The following NUAK1 variants were observed in gnomAD, a reference collection of about 807,000 sequenced individuals.
The protein encoded by NUAK1 is NUAK family SNF1-like kinase 1.
A neutral mutation model predicts 56.9 loss-of-function variants in NUAK1; 26 were observed. The observed-to-expected ratio is 0.46, with a 90% confidence interval of 0.33 to 0.63. NUAK1 has a LOEUF of 0.63. Among genes scored for constraint, NUAK1 ranks in the 30% least tolerant of loss-of-function variants. The probability of loss-of-function intolerance (pLI) is 0.02; values close to 1 mark genes in which losing one functional copy is unlikely to be tolerated. For synonymous variants in NUAK1, 337 were observed against 336.0 expected, an observed-to-expected ratio of 1.00 and a Z score of -0.03; for missense variants, 727 against 876.1, an observed-to-expected ratio of 0.83 and a Z score of 2.15.
At chr12:106,112,005 C>A (rs1216429123) in intron 1 of NUAK1, among the ~76,000 whole-genome samples, 1 of 149,668 alleles carries the variant, frequency 6.7e-6, no homozygotes, top group Non-Finnish European at 1.5e-5. Flanking sequence ...TCACAGGGAA[C>A]AGAATCTCCT....
chr12:106,138,622 T>TC lies in NUAK1; in HGVS notation c.31dup (p.Asp11GlyfsTer78). 6.7e-7 allele frequency: 1 copy of TC among 1,492,828 alleles called. No homozygotes were observed. Among genetic ancestry groups the TC allele is most frequent in the Non-Finnish European group, 8.9e-7 (1 of 1,127,192 alleles). 92.5% of individuals were successfully genotyped at this position (1,492,828 alleles called of 1,614,324 possible). A position where few individuals can be genotyped will look rare whatever the true frequency, so the allele number is the denominator to read the frequency against. ...CGCCCCCAGCCCCAAGTCGGGGCGGTCCCCCGCCACAGGCGCGGCGGCCCC... is the reference window on the plus strand; with the variant it reads ...CGCCCCCAGCCCCAAGTCGGGGCGGTCCCCCCGCCACAGGCGCGGCGGCCCC... On this transcript the variant is annotated frameshift_variant, in exon 1 of 7. Transcript: ENST00000261402. LOFTEE classifies it high-confidence loss of function. The surrounding 1 kb of genome is among the most constrained non-coding windows in gnomAD (Gnocchi z 5.0).
chr12:106,087,065 G>T, intron 2 of NUAK1, 180 bp from the exon 3 acceptor site: 1 of 620,300 alleles, frequency 1.6e-6, no homozygotes, highest in Non-Finnish European at 2.7e-6. Context: ...CCGCCAGGTG[G>T]AAAATGGTGT....
chr12:106,135,421 G>A (rs538048883), intron 1 of NUAK1, among the ~76,000 whole-genome samples: 2 of 152,198 alleles, frequency 1.3e-5, no homozygotes, highest in Admixed American at 6.5e-5. Context: ...ACTGCCTTTC[G>A]CGGCACATAG....
At chr12:106,110,771 G>A (rs1229265604) in intron 1 of NUAK1, among the ~76,000 whole-genome samples, 5 of 152,232 alleles carry the variant, frequency 3.3e-5, no homozygotes, top group Non-Finnish European at 7.3e-5. Flanking sequence ...CCACCTTATG[G>A]TTTAATGTTT....
At chr12:106,111,230 C>T (rs963419364) in intron 1 of NUAK1, among the ~76,000 whole-genome samples, 1 of 152,176 alleles carries the variant, frequency 6.6e-6, no homozygotes, top group Non-Finnish European at 1.5e-5. Flanking sequence ...TGATTATAAA[C>T]CACACTTAAG....
chr12:106,086,956 C>A lies in NUAK1; in HGVS notation c.362-71G>T, dbSNP rs536732857. On this transcript the variant is annotated intron_variant, in intron 2 of 6. Coordinates refer to ENST00000261402, the MANE Select transcript of NUAK1 (RefSeq NM_014840.3). ...AAGCTCACTTATGCTACAGAGAATG[C>A]GAGAGAGGACAACGGAGATGTCGCC... The A allele has an allele frequency of 3.0e-5, 46 of 1,552,576 alleles. No individual in the cohort carries two copies. In the South Asian group the frequency reaches 4.6e-4, roughly 16 times the overall value.
intron 2 of NUAK1, among the ~76,000 whole-genome samples, chr12:106,099,157 C>CA (rs2032724716): frequency 2.0e-5 from 3 of 152,202 alleles, no homozygotes; most frequent in Non-Finnish European, 4.4e-5. Context: ...CACCTTCACC[C>CA]ATGGGTCAAT....
chr12:106,086,991 A>G (rs1443094529), intron 2 of NUAK1, 106 bp from the exon 3 acceptor site: 4 of 1,411,914 alleles, frequency 2.8e-6, no homozygotes, highest in Non-Finnish European at 3.9e-6. Flanking sequence ...CAGGCAGAGG[A>G]TCGACTGATG....
rs1382245621 is a variant in NUAK1 at position 106,083,876 on chromosome 12, G to A, written c.567C>T (p.Asn189=). Residue 189 remains asparagine (N), a synonymous_variant, in exon 4 of 7, where the codon AAC becomes AAT. Transcript: ENST00000261402. ...GCAAGGGCTTTACCTTAATATTGCA[G>A]TTGTCATCGAGCAGTATATTTTCCA... is the stretch of plus-strand genomic sequence containing the variant. ...LKLENILLDD[N]CNIKIADFGL... is the part of the protein sequence containing the mutation. 1 of 1,614,106 alleles carries A rather than the reference G, an allele frequency of 6.2e-7. No homozygotes were observed. The highest frequency in any genetic ancestry group is 8.5e-7 in the Non-Finnish European group (1 of 1,179,952).
chr12:106,083,536 A>G (rs1181823167), intron 4 of NUAK1, among the ~76,000 whole-genome samples: 1 of 152,232 alleles, frequency 6.6e-6, no homozygotes, highest in Non-Finnish European at 1.5e-5. Context: ...TATAAAATAC[A>G]TATGAAATAT....
rs1274555647 is a variant in NUAK1 at position 106,086,153 on chromosome 12, A to G, written c.513+581T>C. ...TCACATGAGAGGAAAATATTCATAT[A>G]TAAAGATACTGATCACTATTTGTCA... On this transcript the variant is annotated intron_variant, in intron 3 of 6. Transcript: ENST00000261402. 2.0e-5 allele frequency among the ~76,000 whole-genome samples: 3 copies of G among 152,376 alleles called. No homozygotes were observed. The East Asian group carries it at 5.8e-4, about 29-fold the overall frequency.
intron 1 of NUAK1, among the ~76,000 whole-genome samples, chr12:106,128,718 CGAAAGT>C (rs1565928840): frequency 1.3e-5 from 2 of 152,136 alleles, no homozygotes; most frequent in African/African-American, 4.8e-5. Context: ...GCCAAACAGA[CGAAAGT>C]TGAGCCCTAA....
intron 1 of NUAK1, among the ~76,000 whole-genome samples, chr12:106,120,044 C>T (rs923021569): frequency 1.3e-5 from 2 of 152,130 alleles, no homozygotes; most frequent in South Asian, 2.1e-4. Flanking sequence ...CCAAAGCATC[C>T]GATTAACCAG....
At chr12:106,072,611 T>C in intron 5 of NUAK1, 113 bp downstream of exon 5, 1 of 1,224,980 alleles carries the variant, frequency 8.2e-7, no homozygotes, top group Non-Finnish European at 1.1e-6. Flanking sequence ...ACGTTTTCCT[T>C]GCTGGCTTTT....
chr12:106,075,821 G>A (rs1173137017), intron 4 of NUAK1, among the ~76,000 whole-genome samples: 2 of 152,254 alleles, frequency 1.3e-5, no homozygotes, highest in Non-Finnish European at 2.9e-5. Flanking sequence ...GCACTGGTGT[G>A]TCTTCAGTAT....
chr12:106,075,070 C>T (rs540778647), intron 4 of NUAK1, among the ~76,000 whole-genome samples: 1 of 152,152 alleles, frequency 6.6e-6, no homozygotes. Flanking sequence ...CACATGCACA[C>T]ACTCACACCA....
chr12:106,087,759 AG>A (rs1026763264), intron 2 of NUAK1, among the ~76,000 whole-genome samples: 1 of 152,272 alleles, frequency 6.6e-6, no homozygotes, highest in African/African-American at 2.4e-5. Flanking sequence ...ACTGAGGCCT[AG>A]GGAGGTTAAG....
Position 106,138,436 on chromosome 12 carries a change from G to A in NUAK1, c.218C>T (p.Thr73Ile). The A allele has an allele frequency of 6.2e-7, 1 of 1,611,486 alleles. No individual in the cohort carries two copies. The highest frequency in any genetic ancestry group is 1.1e-5 in the South Asian group (1 of 90,948). Reference protein sequence around the residue: ...KGTYGKVKRATERFSGRVVAI... With the variant: ...KGTYGKVKRAIERFSGRVVAI... ...CACCACTCGGCCAGAAAACCTCTCG[G>A]TGGCCCGCTTGACTTTGCCGTAGGT... Residue 73 changes from threonine to isoleucine, a missense_variant, in exon 1 of 7, where the codon ACC becomes ATC. Transcript: ENST00000261402. This position sits in a 1 kb window ranked among gnomAD's most constrained non-coding sequence, Gnocchi z 5.0.
intron 1 of NUAK1, among the ~76,000 whole-genome samples, chr12:106,120,880 G>A (rs1205208801): frequency 6.6e-6 from 1 of 152,152 alleles, no homozygotes; most frequent in Non-Finnish European, 1.5e-5. Flanking sequence ...CATGGATGGG[G>A]CCACCTTCAG....
Sources: allele counts gnomAD v4.1 joint callset (sites outside exome capture counted in the v4.1 genomes callset), GRCh38; gene constraint gnomAD v4.1.1; non-coding constraint Gnocchi (gnomAD v3.1); transcripts MANE v1.5; gene names NCBI Gene and HGNC (gene_info 2026-07-23, HGNC 2026-07-21).